Variants in KNG1 observed in about 807,000 individuals in gnomAD.
KNG1 encodes the protein kininogen 1, also known as kininogen-1.
KNG1 carries 23 observed loss-of-function variants against 47.8 expected under a neutral mutation model. That is an observed-to-expected ratio of 0.48 (90% CI 0.35 to 0.68). The LOEUF is 0.68. KNG1 is among the 30% of genes least tolerant of loss of function. The probability of loss-of-function intolerance (pLI) is 0.01; values close to 1 mark genes in which losing one functional copy is unlikely to be tolerated. For synonymous variants in KNG1, 277 were observed against 277.0 expected (o/e 1.00, Z 0.00); for missense variants, 762 against 790.2 (o/e 0.96, Z 0.43).
At chr3:186,726,222 C>T (rs1720366785) in intron 4 of KNG1, among the ~76,000 whole-genome samples, 1 of 151,794 alleles carries the variant, frequency 6.6e-6, no homozygotes, top group Non-Finnish European at 1.5e-5. Context: ...GCCTGAGCCA[C>T]TGCACTCAGC....
At chr3:186,732,726 GCTGA>G (rs776482350) in intron 7 of KNG1, 52 bp downstream of exon 7, 4 of 1,474,220 alleles carry the variant, frequency 2.7e-6, no homozygotes, top group Non-Finnish European at 2.8e-6. Context: ...TGTGCAAATT[GCTGA>G]CTAATTTTGC....
In KNG1 at chr3:186,742,926, A is replaced by G; in HGVS notation, c.*595A>G. The G allele has an allele frequency of 2.0e-6, 2 of 983,258 alleles. No individual in the cohort carries two copies. Among genetic ancestry groups the G allele is most frequent in the Non-Finnish European group, 2.4e-6 (2 of 827,964 alleles). 60.9% of individuals were successfully genotyped at this position (983,258 alleles called of 1,614,324 possible). A position where few individuals can be genotyped will look rare whatever the true frequency, so the allele number is the denominator to read the frequency against. On this transcript the variant is annotated 3_prime_UTR_variant, in exon 10 of 10. Transcript: ENST00000644859. ...AAAAGAAATAATAAGAAAAACTTCC[A>G]GATTTCAAAGTAACAAGAAAGAAGA... is the stretch of plus-strand genomic sequence containing the variant.
rs774226752 is a variant in KNG1, at chr3:186,726,274, C to CTTTTTTT, written c.565-949_565-943dup. Among the ~76,000 whole-genome samples, 210 of 113,618 alleles carry CTTTTTTT rather than the reference C, an allele frequency of 1.8e-3. 1 individual carries two copies. The highest frequency in any genetic ancestry group is 0.012 in the Middle Eastern group (2 of 164). 74.5% of individuals were successfully genotyped at this position (113,618 alleles called of 152,430 possible). ...GATTCAGTACACCCAGACTTTTCTT[C>CTTTTTTT]TTTTTTTTTTTTTTTTTTTTGTTTT... On this transcript the variant is annotated intron_variant, in intron 4 of 9. Transcript: ENST00000644859.
rs987076607 is a variant in KNG1, at chr3:186,741,772, A to T, written c.1376A>T (p.His459Leu). ...CAAGGGCATGGGCACCAAAGAGGAC[A>T]TGGCCTTGGCCATGGACACGAACAA... Reference protein sequence around the residue: ...RDQGHGHQRGHGLGHGHEQQH... With the variant: ...RDQGHGHQRGLGLGHGHEQQH... Residue 459 changes from histidine to leucine, a missense_variant, in exon 10 of 10, where the codon CAT (histidine) becomes CTT (leucine). By Grantham distance (99) the His-to-Leu change is moderately conservative. Transcript: ENST00000644859. The T allele has an allele frequency of 1.4e-5, 23 of 1,614,034 alleles. No individual in the cohort carries two copies. The highest frequency in any genetic ancestry group is 6.7e-5 in the Admixed American group (4 of 59,972).
chr3:186,730,729 C>CAT (rs566826761), intron 5 of KNG1, among the ~76,000 whole-genome samples: 14 of 46,762 alleles, frequency 3.0e-4, no homozygotes, highest in East Asian at 2.2e-3. Context: ...CACACACACA[C>CAT]ATATATATAT....
intron 3 of KNG1, among the ~76,000 whole-genome samples, chr3:186,723,069 C>T (rs1255883222): frequency 6.6e-6 from 1 of 152,084 alleles, no homozygotes; most frequent in Non-Finnish European, 1.5e-5. Context: ...TATATTGAGT[C>T]CTTATGTCCC....
At chr3:186,719,697 C>G (rs958980124) in intron 1 of KNG1, among the ~76,000 whole-genome samples, 2 of 150,844 alleles carry the variant, frequency 1.3e-5, no homozygotes, top group African/African-American at 2.4e-5. Context: ...CCACTGCACT[C>G]CAGCCTGGGC....
At chr3:186,725,338 T>A in intron 4 of KNG1, 78 bp downstream of exon 4, 1 of 1,395,194 alleles carries the variant, frequency 7.2e-7, no homozygotes, top group Non-Finnish European at 1.0e-6. Flanking sequence ...TATGATTGCA[T>A]GGCTGGTGGT....
Position 186,732,626 on chromosome 3 carries a change from C to A in KNG1, c.882C>A (p.Asn294Lys). ...TCACAAAGCTTAATGCAGAGAATAA[C>A]GCAACTTTCTATTTCAAGATTGACA... ...HTITKLNAEN[N>K]ATFYFKIDNV... Residue 294 changes from asparagine (N) to lysine (K), a missense_variant, in exon 7 of 10, where the codon AAC becomes AAA. Physicochemically the swap from Asn to Lys is moderately conservative, Grantham distance 94. Transcript: ENST00000644859. 4 of 1,613,932 alleles carry A rather than the reference C, an allele frequency of 2.5e-6. No individual in the cohort carries two copies. Among genetic ancestry groups the A allele is most frequent in the Non-Finnish European group, 3.4e-6 (4 of 1,179,838 alleles).
Position 186,742,223 on chromosome 3 carries a change from G to T in KNG1, c.1827G>T (p.Thr609=). ...ACCCAATATCAGATTTTCCAGACAC[G>T]ACCTCCCCAAAATGTCCTGGACGCC... ...SFNPISDFPD[T]TSPKCPGRPW... is the part of the protein sequence containing the mutation. Residue 609 remains threonine (T), a synonymous_variant, in exon 10 of 10, where the codon ACG becomes ACT. Coordinates refer to ENST00000644859, the MANE Select transcript of KNG1 (RefSeq NM_001102416.3). 1.2e-6 allele frequency: 2 copies of T among 1,614,056 alleles called. No homozygotes were observed. The highest frequency in any genetic ancestry group is 1.7e-6 in the Non-Finnish European group (2 of 1,180,006).
At chr3:186,734,388 G>A (rs1720617079) in intron 7 of KNG1, among the ~76,000 whole-genome samples, 1 of 152,058 alleles carries the variant, frequency 6.6e-6, no homozygotes, top group Non-Finnish European at 1.5e-5. Context: ...GGAATGTCTT[G>A]TGTTATAATA....
At chr3:186,741,441 T>G in intron 9 of KNG1, 81 bp from the exon 10 acceptor site, 3 of 1,297,824 alleles carry the variant, frequency 2.3e-6, no homozygotes, top group Non-Finnish European at 3.2e-6. Flanking sequence ...TAAGATAACA[T>G]TGCCAGATCT....
At position 186,743,637 on chromosome 3, in the gene KNG1, G is replaced by C; in HGVS notation, c.*1306G>C. Reference sequence around the variant, plus strand: ...AGGAAAAAGTCTTACCTTGTCAACTGGTTGCTCCACTTTTTAAAAATGATT... The same window carrying C: ...AGGAAAAAGTCTTACCTTGTCAACTCGTTGCTCCACTTTTTAAAAATGATT... On this transcript the variant is annotated 3_prime_UTR_variant, in exon 10 of 10. Coordinates refer to ENST00000644859, the MANE Select transcript of KNG1 (RefSeq NM_001102416.3). 8.6e-7 allele frequency: 1 copy of C among 1,158,530 alleles called. No homozygotes were observed. Among genetic ancestry groups the C allele is most frequent in the Non-Finnish European group, 1.3e-6 (1 of 770,566 alleles). 71.8% of individuals were successfully genotyped at this position (1,158,530 alleles called of 1,614,324 possible). A position where few individuals can be genotyped will look rare whatever the true frequency, so the allele number is the denominator to read the frequency against.
At chr3:186,722,404 T>C (rs1720228655) in intron 2 of KNG1, 33 bp from the exon 3 acceptor site, 1 of 1,543,462 alleles carries the variant, frequency 6.5e-7, no homozygotes, top group Admixed American at 1.7e-5. Context: ...ATCTGAAAGA[T>C]TAAGATAAAT....
chr3:186,725,608 G>A (rs961299005), intron 4 of KNG1, among the ~76,000 whole-genome samples: 8 of 137,396 alleles, frequency 5.8e-5, no homozygotes, highest in African/African-American at 1.9e-4. Flanking sequence ...GCAGTGGCGC[G>A]ATCTCGGCTC....
chr3:186,743,884 T>C lies in KNG1; in HGVS notation c.*1553T>C, dbSNP rs555773241. On this transcript the variant is annotated 3_prime_UTR_variant, in exon 10 of 10. Transcript: ENST00000644859. ...GAAGAAAGATGGGATAGAATTTAAA[T>C]AGAGAAGAATGCCATTTTATCACTC... The C allele has an allele frequency of 8.3e-6, 7 of 841,794 alleles. No homozygotes were observed. In the African/African-American group the frequency reaches 1.0e-4, roughly 12 times the overall value. The allele number at this position is 841,794 out of a possible 1,614,324, so 52.1% of individuals were successfully genotyped here.
rs1407354610 is a variant in KNG1, at chr3:186,743,365, A to C, written c.*1034A>C. ...TAGTCTTTTTGCTATGACTTTGAAG[A>C]CCATTGATTTTTGAGAAGCAGAATA... is the stretch of plus-strand genomic sequence containing the variant. On this transcript the variant is annotated 3_prime_UTR_variant, in exon 10 of 10. Transcript: ENST00000644859. The C allele has an allele frequency of 3.7e-6, 1 of 272,240 alleles. No homozygotes were observed. The highest frequency in any genetic ancestry group is 7.1e-6 in the Non-Finnish European group (1 of 140,254). The allele number at this position is 272,240 out of a possible 1,614,324, so 16.9% of individuals were successfully genotyped here. A position where few individuals can be genotyped will look rare whatever the true frequency, so the allele number is the denominator to read the frequency against.
intron 5 of KNG1, 23 bp from the exon 6 acceptor site, chr3:186,731,522 C>CT: frequency 6.7e-7 from 1 of 1,490,052 alleles, no homozygotes; most frequent in East Asian, 2.3e-5. Context: ...TAACTGAGCA[C>CT]TTATATGCTT....
chr3:186,739,461 G>T (rs749396158), intron 9 of KNG1, 47 bp downstream of exon 9: 91 of 1,278,060 alleles, frequency 7.1e-5, no homozygotes, highest in Non-Finnish European at 9.7e-5. Flanking sequence ...TGCTCATTCT[G>T]AAAATCCATA....
Sources: allele counts gnomAD v4.1 joint callset (sites outside exome capture counted in the v4.1 genomes callset), GRCh38; gene constraint gnomAD v4.1.1; transcripts MANE v1.5; gene names NCBI Gene and HGNC (gene_info 2026-07-23, HGNC 2026-07-21).